The following RUNX1 variants were observed in gnomAD, a reference collection of about 807,000 sequenced individuals.
RUNX1 encodes runt-related transcription factor 1.
In RUNX1, 19 loss-of-function variants were observed where a neutral mutation model predicts 42.8. The observed-to-expected ratio is 0.44, with a 90% CI of 0.31 to 0.65. RUNX1 has a LOEUF of 0.65. RUNX1 is among the 30% of genes least tolerant of loss of function. The pLI, the probability that RUNX1 is intolerant of heterozygous loss-of-function variation, is 0.07. For missense variants in RUNX1, 528 were observed against 672.0 expected (o/e 0.79, Z 2.37); for synonymous variants, 271 against 289.4 (o/e 0.94, Z 0.64).
Position 34,933,578 on chromosome 21 carries a change from T to G in RUNX1, c.59-40615A>C, listed in dbSNP as rs574082990. Among the ~76,000 whole-genome samples, 6 of 152,336 alleles carry G rather than the reference T, an allele frequency of 3.9e-5. No individual in the cohort carries two copies. In the South Asian group the frequency reaches 1.2e-3, roughly 32 times the overall value. ...AGAAAAGGGAACAAATACTGTTGTT[T>G]TACTGTGTTCGACGTATAGTAGCTG... is the stretch of plus-strand genomic sequence containing the variant. On this transcript the variant is annotated intron_variant, in intron 2 of 8. Transcript: ENST00000675419.
chr21:34,845,949 G>A (rs2057307818), intron 6 of RUNX1, among the ~76,000 whole-genome samples: 1 of 152,268 alleles, frequency 6.6e-6, no homozygotes, highest in Admixed American at 6.5e-5. Context: ...GTCAACCAAA[G>A]CTGTTTGCGG....
intron 6 of RUNX1, among the ~76,000 whole-genome samples, chr21:34,846,254 A>AT (rs1229597579): frequency 2.3e-5 from 3 of 131,702 alleles, no homozygotes; most frequent in Non-Finnish European, 4.7e-5. Flanking sequence ...AGTTAGGAAG[A>AT]TTTCCCCTAC....
intron 2 of RUNX1, among the ~76,000 whole-genome samples, chr21:35,000,021 C>G (rs931572982): frequency 6.8e-6 from 1 of 147,574 alleles, no homozygotes. Flanking sequence ...GACTTTTACA[C>G]AAACAGTTAT....
chr21:34,888,930 C>G (rs930321908), intron 3 of RUNX1, among the ~76,000 whole-genome samples: 1 of 151,556 alleles, frequency 6.6e-6, no homozygotes, highest in African/African-American at 2.4e-5. Flanking sequence ...GCCCCGCATC[C>G]AAGCCTGCAT....
At chr21:35,025,296 A>T (rs1360797340) in intron 2 of RUNX1, among the ~76,000 whole-genome samples, 1 of 152,220 alleles carries the variant, frequency 6.6e-6, no homozygotes, top group Non-Finnish European at 1.5e-5. Flanking sequence ...AATAATAGGA[A>T]TCGATCATTC....
intron 2 of RUNX1, among the ~76,000 whole-genome samples, chr21:34,998,886 C>T (rs1250866148): frequency 6.6e-6 from 1 of 152,222 alleles, no homozygotes; most frequent in Non-Finnish European, 1.5e-5. Context: ...TCTCACCCTA[C>T]TAAATATCCA....
chr21:34,956,979 G>A (rs773282696), intron 2 of RUNX1, among the ~76,000 whole-genome samples: 2 of 152,178 alleles, frequency 1.3e-5, no homozygotes, highest in Admixed American at 6.5e-5. Context: ...GCAGGGCCAC[G>A]GGTTACAGAG....
At chr21:34,999,438 G>C (rs979912185) in intron 2 of RUNX1, among the ~76,000 whole-genome samples, 3 of 152,234 alleles carry the variant, frequency 2.0e-5, no homozygotes, top group Non-Finnish European at 4.4e-5. Flanking sequence ...GAGTGAGTTA[G>C]GGGCTGACCT....
chr21:34,948,857 T>A (rs1428886212), intron 2 of RUNX1, among the ~76,000 whole-genome samples: 1 of 152,198 alleles, frequency 6.6e-6, no homozygotes, highest in Non-Finnish European at 1.5e-5. Flanking sequence ...GCAATTCTCC[T>A]GCTTCAGCCT....
intron 2 of RUNX1, among the ~76,000 whole-genome samples, chr21:34,946,593 A>G (rs1169911178): frequency 6.6e-6 from 1 of 152,164 alleles, no homozygotes; most frequent in African/African-American, 2.4e-5. Context: ...AAGACTGTAG[A>G]GGGTCTCATA....
In RUNX1 at chr21:34,907,555, T is replaced by C. The variant is rs2058232892; in HGVS notation, c.59-14592A>G. On this transcript the variant is annotated intron_variant, in intron 2 of 8. Coordinates refer to ENST00000675419, the MANE Select transcript of RUNX1 (RefSeq NM_001754.5). The surrounding 1 kb of genome is among the most constrained non-coding windows in gnomAD (Gnocchi z 5.3). ...TTGCAAGCCTCTAGCCTAAAATGTC[T>C]TATTTTCTTAGTACTCAATTTGTTA... Among the ~76,000 whole-genome samples the C allele has an allele frequency of 6.6e-6, 1 of 152,222 alleles. No homozygotes were observed. The highest frequency in any genetic ancestry group is 2.1e-4 in the South Asian group (1 of 4,832).
At position 34,816,874 on chromosome 21, in the gene RUNX1, C is replaced by T. The variant is rs981182516; in HGVS notation, c.806-17412G>A. On this transcript the variant is annotated intron_variant, in intron 7 of 8. Transcript: ENST00000675419. ...TTGGTCATTTCAGAGCAAGAATGAG[C>T]TTCGGAAGAATGGAGCACCTTGTGG... Among the ~76,000 whole-genome samples, 3 of 152,164 alleles carry T rather than the reference C, an allele frequency of 2.0e-5. No homozygotes were observed. The East Asian group carries it at 5.8e-4, about 29-fold the overall frequency.
At position 34,931,407 on chromosome 21, in the gene RUNX1, T is replaced by C. The variant is rs2058445571; in HGVS notation, c.59-38444A>G. ...TACATGTATATAATATATACACGTGTATATATTATATATAAAGCATATATA... is the reference window on the plus strand; with the variant it reads ...TACATGTATATAATATATACACGTGCATATATTATATATAAAGCATATATA... On this transcript the variant is annotated intron_variant, in intron 2 of 8. Transcript: ENST00000675419. Among the ~76,000 whole-genome samples, 8 of 146,476 alleles carry C rather than the reference T, an allele frequency of 5.5e-5. No homozygotes were observed. In the Admixed American group the frequency reaches 5.5e-4, roughly 10 times the overall value.
chr21:34,859,996 C>T (rs2057549503), intron 5 of RUNX1, among the ~76,000 whole-genome samples: 1 of 152,126 alleles, frequency 6.6e-6, no homozygotes, highest in African/African-American at 2.4e-5. Flanking sequence ...TTACTTTGTA[C>T]CTTTGAAGAT....
intron 2 of RUNX1, among the ~76,000 whole-genome samples, chr21:34,972,348 G>A (rs1459166418): frequency 1.3e-5 from 2 of 152,112 alleles, no homozygotes; most frequent in Non-Finnish European, 2.9e-5. Flanking sequence ...AGTTTTACTA[G>A]GTTCCATGAC....
At chr21:34,874,677 T>TA (rs11311421) in intron 5 of RUNX1, among the ~76,000 whole-genome samples, 309 of 140,242 alleles carry the variant, frequency 2.2e-3, no homozygotes, top group Admixed American at 7.6e-3. Flanking sequence ...AATTTTTCCT[T>TA]AAAAAAAAAA....
intron 2 of RUNX1, among the ~76,000 whole-genome samples, chr21:34,994,940 G>C (rs749193759): frequency 6.6e-6 from 1 of 152,240 alleles, no homozygotes; most frequent in Non-Finnish European, 1.5e-5. Flanking sequence ...GGCTGGAACC[G>C]CAACGCCATT....
chr21:34,891,707 T>TTAA (rs761249134), intron 3 of RUNX1, among the ~76,000 whole-genome samples: 8,505 of 147,764 alleles, frequency 0.058, 338 homozygotes, highest in Non-Finnish European at 0.085. Context: ...AATGCAAAAT[T>TTAA]AAAAAAAAAA....
intron 2 of RUNX1, among the ~76,000 whole-genome samples, chr21:34,986,564 C>A (rs976049399): frequency 6.8e-6 from 1 of 148,028 alleles, no homozygotes; most frequent in African/African-American, 2.5e-5. Flanking sequence ...TGAGGTCATA[C>A]TAGATTAGGT....
Sources: allele counts gnomAD v4.1 joint callset (sites outside exome capture counted in the v4.1 genomes callset), GRCh38; gene constraint gnomAD v4.1.1; non-coding constraint Gnocchi (gnomAD v3.1); transcripts MANE v1.5; gene names NCBI Gene and HGNC (gene_info 2026-07-23, HGNC 2026-07-21).